The following AREL1 variants were observed in gnomAD, a reference collection of about 807,000 sequenced individuals.
AREL1 encodes apoptosis resistant E3 ubiquitin protein ligase 1, also known as apoptosis-resistant E3 ubiquitin protein ligase 1.
In AREL1, 62 loss-of-function variants were observed where a neutral mutation model predicts 99.0. The observed-to-expected ratio is 0.63, with a 90% CI of 0.51 to 0.77. The LOEUF (loss-of-function observed/expected upper bound fraction) is 0.77, where lower values mean the gene tolerates loss of function less well. AREL1 is among the 30% of genes least tolerant of loss of function. AREL1 has a pLI of 0.00. For synonymous variants in AREL1, 380 were observed against 376.5 expected (o/e 1.01, Z -0.11); for missense variants, 879 against 1,027.6 (o/e 0.86, Z 1.98).
rs770230379 is a variant in AREL1 at position 74,712,545 on chromosome 14, T to C, written c.-334+388A>G. 1.6e-3 allele frequency among the ~76,000 whole-genome samples: 238 copies of C among 152,212 alleles called. 11 individuals are homozygous for C. The highest frequency in any genetic ancestry group is 5.3e-4 in the Non-Finnish European group (36 of 68,040). On this transcript the variant is annotated intron_variant, in intron 1 of 19. Transcript: ENST00000356357. ...ACACACCAAGGCTTCACAATAAATG[T>C]GCATTGTATCTCACCATTTTCTTGG...
intron 2 of AREL1, among the ~76,000 whole-genome samples, chr14:74,691,484 A>G (rs1031124463): frequency 1.3e-4 from 20 of 152,372 alleles, no homozygotes; most frequent in African/African-American, 3.6e-4. Flanking sequence ...ATGAGAAAAC[A>G]CTATCCAATC....
At position 74,684,444 on chromosome 14, in the gene AREL1, A is replaced by G. The variant is rs2089702122; in HGVS notation, c.243+10T>C. 1 of 1,613,558 alleles carries G rather than the reference A, an allele frequency of 6.2e-7. No individual in the cohort carries two copies. Among genetic ancestry groups the G allele is most frequent in the African/African-American group, 1.3e-5 (1 of 74,928 alleles). ...CCCCAATGGGTATGGAGACAGAAAC[A>G]TTCCCTTACATGCACTCGGAAGGCC... On this transcript the variant is annotated intron_variant, in intron 4 of 19. Coordinates refer to ENST00000356357, the MANE Select transcript of AREL1 (RefSeq NM_001039479.2).
At chr14:74,699,531 T>A (rs1282851517) in intron 1 of AREL1, among the ~76,000 whole-genome samples, 1 of 152,204 alleles carries the variant, frequency 6.6e-6, no homozygotes, top group African/African-American at 2.4e-5. Flanking sequence ...AATAATTGGG[T>A]AAATGTTATA....
rs2139840911 is a variant in AREL1, at chr14:74,661,494, A to T, written c.*2226T>A. 1 of 292,540 alleles carries T rather than the reference A, an allele frequency of 3.4e-6. No homozygotes were observed. The highest frequency in any genetic ancestry group is 4.6e-5 in the Admixed American group (1 of 21,510). 18.1% of individuals were successfully genotyped at this position (292,540 alleles called of 1,614,324 possible). On this transcript the variant is annotated 3_prime_UTR_variant, in exon 20 of 20. Transcript: ENST00000356357. ...GGGTCACAAGGACATAAATAAAAGA[A>T]CTGGCCAAAATAAGAAACACTAATA...
rs1207842877 is a variant in AREL1 at position 74,676,143 on chromosome 14, C to G, written c.830G>C (p.Ser277Thr). Residue 277 changes from serine (S) to threonine (T), a missense_variant and splice_region_variant, in exon 7 of 20, where the codon AGT (serine) becomes ACT (threonine). By Grantham distance (58) the Ser-to-Thr change is moderately conservative. Transcript: ENST00000356357. The part of the protein sequence containing the change: ...NNGEFDIIVL[S>T]EDEKNIVERN... Reference sequence around the variant, plus strand: ...ATCATACTTTTCTTTTAACTTACCACTTAGGACAATAATGTCAAATTCACC... The same window carrying G: ...ATCATACTTTTCTTTTAACTTACCAGTTAGGACAATAATGTCAAATTCACC... The G allele has an allele frequency of 1.2e-6, 2 of 1,613,080 alleles. No homozygotes were observed. The highest frequency in any genetic ancestry group is 1.7e-6 in the Non-Finnish European group (2 of 1,179,796).
chr14:74,663,586 C>T lies in AREL1; in HGVS notation c.*134G>A. 2.1e-6 allele frequency: 2 copies of T among 938,930 alleles called. No homozygotes were observed. Among genetic ancestry groups the T allele is most frequent in the East Asian group, 2.4e-5 (1 of 41,240 alleles). The allele number at this position is 938,930 out of a possible 1,614,324, so 58.2% of individuals were successfully genotyped here. ...AGACAAGGCTTGTAGGTGACAAAAT[C>T]CTCCAGACACAGGGGAGCATGCGGC... On this transcript the variant is annotated 3_prime_UTR_variant, in exon 20 of 20. Coordinates refer to ENST00000356357, the MANE Select transcript of AREL1 (RefSeq NM_001039479.2).
chr14:74,674,102 C>G lies in AREL1; in HGVS notation c.1090G>C (p.Val364Leu). The change falls in exon 9 of 20, where the codon GTG (valine) becomes CTG (leucine). Residue 364 changes from valine to leucine, a missense_variant. Coordinates refer to ENST00000356357, the MANE Select transcript of AREL1 (RefSeq NM_001039479.2). ...YCYVSPKQFS[V>L]KEFYLKIIPW... is the part of the protein sequence containing the mutation. ...ATGATCTTCAGGTAGAACTCCTTCA[C>G]TGAGAATTGCTGGAGGACCAACAGA... 6.2e-7 allele frequency: 1 copy of G among 1,613,372 alleles called. No individual in the cohort carries two copies.
chr14:74,676,142 A>G lies in AREL1; in HGVS notation c.831T>C (p.Ser277=). 2 of 1,612,984 alleles carry G rather than the reference A, an allele frequency of 1.2e-6. No individual in the cohort carries two copies. Among genetic ancestry groups the G allele is most frequent in the Non-Finnish European group, 8.5e-7 (1 of 1,179,766 alleles). Residue 277 remains serine, a splice_region_variant and synonymous_variant, in exon 7 of 20, where the codon AGT becomes AGC. Transcript: ENST00000356357. ...AATCATACTTTTCTTTTAACTTACC[A>G]CTTAGGACAATAATGTCAAATTCAC... The part of the protein sequence containing the change: ...NNGEFDIIVL[S]EDEKNIVERN...
intron 11 of AREL1, among the ~76,000 whole-genome samples, chr14:74,672,592 C>G (rs572624769): frequency 2.0e-5 from 3 of 152,070 alleles, no homozygotes; most frequent in East Asian, 3.9e-4. Flanking sequence ...CAAAAATTAG[C>G]CAGGCATGGT....
At chr14:74,693,747 C>T (rs1357973167) in intron 1 of AREL1, among the ~76,000 whole-genome samples, 1 of 152,192 alleles carries the variant, frequency 6.6e-6, no homozygotes, top group Non-Finnish European at 1.5e-5. Context: ...GACTACTCTA[C>T]TGCCTCTCCA....
At chr14:74,664,744 C>CCACT in intron 18 of AREL1, 92 bp downstream of exon 18, 1 of 1,025,416 alleles carries the variant, frequency 9.8e-7, no homozygotes, top group South Asian at 1.4e-5. Flanking sequence ...CAGGCATGAG[C>CCACT]CACTGCGCCC....
At position 74,662,508 on chromosome 14, in the gene AREL1, C is replaced by G. The variant is rs375303024; in HGVS notation, c.*1212G>C. The G allele has an allele frequency of 1.7e-4, 68 of 398,720 alleles. No individual in the cohort carries two copies. The highest frequency in any genetic ancestry group is 1.0e-3 in the African/African-American group (50 of 48,724). 24.7% of individuals were successfully genotyped at this position (398,720 alleles called of 1,614,324 possible). A position where few individuals can be genotyped will look rare whatever the true frequency, so the allele number is the denominator to read the frequency against. ...AAGGATGTTGTCATCTTCCAAGATA[C>G]AGCAGCAGGTACTCTTCAATCATCA... is the stretch of plus-strand genomic sequence containing the variant. On this transcript the variant is annotated 3_prime_UTR_variant, in exon 20 of 20. Transcript: ENST00000356357.
At chr14:74,668,794 T>C (rs985931924) in intron 15 of AREL1, among the ~76,000 whole-genome samples, 5 of 152,258 alleles carry the variant, frequency 3.3e-5, no homozygotes, top group Non-Finnish European at 5.9e-5. Flanking sequence ...GTCATCATTA[T>C]CATTTGATGC....
intron 2 of AREL1, among the ~76,000 whole-genome samples, chr14:74,690,501 A>G (rs2089854600): frequency 6.6e-6 from 1 of 152,166 alleles, no homozygotes; most frequent in South Asian, 2.1e-4. Flanking sequence ...AATTTAATTC[A>G]GTTCAACAAG....
chr14:74,677,915 T>C (rs10162454), intron 5 of AREL1, among the ~76,000 whole-genome samples: 109,493 of 151,332 alleles, frequency 0.72, 39,529 homozygotes, highest in East Asian at 0.74. Context: ...AAACCCTAAG[T>C]AAAATGAAAA....
At chr14:74,672,440 T>C (rs1296240530) in intron 11 of AREL1, among the ~76,000 whole-genome samples, 1 of 152,176 alleles carries the variant, frequency 6.6e-6, no homozygotes, top group East Asian at 1.9e-4. Context: ...TTAAGTTTCA[T>C]GAAAAAGATA....
At chr14:74,666,094 TCTGAA>T (rs1307984945) in intron 17 of AREL1, among the ~76,000 whole-genome samples, 2 of 152,244 alleles carry the variant, frequency 1.3e-5, no homozygotes, top group Non-Finnish European at 2.9e-5. Flanking sequence ...GGATTTCACA[TCTGAA>T]GATATAAAAC....
intron 1 of AREL1, among the ~76,000 whole-genome samples, chr14:74,702,718 AG>A (rs1293539315): frequency 6.6e-6 from 1 of 152,182 alleles, no homozygotes; most frequent in Non-Finnish European, 1.5e-5. Flanking sequence ...CGCCACTGTC[AG>A]GCTGCAAATT....
intron 1 of AREL1, among the ~76,000 whole-genome samples, chr14:74,696,703 G>A (rs1021498069): frequency 2.0e-5 from 3 of 152,080 alleles, no homozygotes; most frequent in African/African-American, 2.4e-5. Context: ...GGTGGCTCAC[G>A]CCTGTAATCC....
Sources: gnomAD v4.1 joint callset for allele counts (sites outside exome capture counted in the v4.1 genomes callset) on GRCh38, gnomAD v4.1.1 for gene constraint, MANE v1.5 for transcripts, NCBI Gene and HGNC (gene_info 2026-07-23, HGNC 2026-07-21) for gene names.